The following ENPP1 variants were observed in gnomAD, a reference collection of about 807,000 sequenced individuals.
ENPP1 encodes the protein ectonucleotide pyrophosphatase/phosphodiesterase 1, also known as ectonucleotide pyrophosphatase/phosphodiesterase family member 1.
In ENPP1, 73 loss-of-function variants were observed where a neutral mutation model predicts 122.8. The ratio of observed to expected loss-of-function variants is 0.59; its 90% confidence interval spans 0.49 to 0.72. The LOEUF (loss-of-function observed/expected upper bound fraction) is 0.72, where lower values mean the gene tolerates loss of function less well. Ranked by LOEUF, ENPP1 falls within the 30% of genes least tolerant of loss-of-function variation. ENPP1 has a pLI of 0.00. For missense variants in ENPP1, 978 were observed against 1,128.1 expected, an observed-to-expected ratio of 0.87 and a Z score of 1.91; for synonymous variants, 367 against 391.6, an observed-to-expected ratio of 0.94 and a Z score of 0.74.
intron 1 of ENPP1, among the ~76,000 whole-genome samples, chr6:131,838,764 A>G (rs1781706325): frequency 3.9e-5 from 6 of 152,146 alleles, no homozygotes; most frequent in Admixed American, 3.9e-4. Flanking sequence ...AGTACAAATC[A>G]TATCAAGAAT....
chr6:131,882,741 A>C (rs1413895651), intron 21 of ENPP1, among the ~76,000 whole-genome samples: 1 of 150,550 alleles, frequency 6.6e-6, no homozygotes, highest in Non-Finnish European at 1.5e-5. Context: ...GAAAAATTTT[A>C]ATCATCTAAA....
rs2114731537 is a variant in ENPP1 at position 131,886,607 on chromosome 6, C to T, written c.2490C>T (p.His830=). Reference sequence around the variant, plus strand: ...ACCAAGAAATTTTGATTCCAACTCACTTCTTTATTGTGCTAACAAGCTGTA... The same window carrying T: ...ACCAAGAAATTTTGATTCCAACTCATTTCTTTATTGTGCTAACAAGCTGTA... ...IRNQEILIPT[H]FFIVLTSCKD... Residue 830 remains histidine, a synonymous_variant, in exon 24 of 25, where the codon CAC becomes CAT. Coordinates refer to ENST00000647893, the MANE Select transcript of ENPP1 (RefSeq NM_006208.3). 1.2e-5 allele frequency: 20 copies of T among 1,613,914 alleles called. No homozygotes were observed. Among genetic ancestry groups the T allele is most frequent in the Non-Finnish European group, 1.7e-5 (20 of 1,179,804 alleles).
chr6:131,882,790 A>G (rs1283013518), intron 21 of ENPP1, among the ~76,000 whole-genome samples: 1 of 151,526 alleles, frequency 6.6e-6, no homozygotes, highest in Non-Finnish European at 1.5e-5. Flanking sequence ...TTGGGAGGGT[A>G]GTTGATGTAG....
intron 13 of ENPP1, 88 bp downstream of exon 13, chr6:131,869,577 G>C (rs1242051800): frequency 6.3e-6 from 9 of 1,423,048 alleles, no homozygotes; most frequent in Non-Finnish European, 8.9e-6. Flanking sequence ...GCCTGTAATC[G>C]CAGCACTTTG....
In ENPP1 at chr6:131,886,672, A is replaced by C; in HGVS notation, c.2555A>C (p.Asp852Ala). ...SQTPLHCENL[D>A]TLAFILPHRT... ...ACGCCTTTGCACTGTGAAAACCTAG[A>C]CACCTTAGCTTTCATTTTGCCTCAC... The change falls in exon 24 of 25, where the codon GAC becomes GCC. Residue 852 changes from aspartate (D) to alanine (A), a missense_variant. Asp to Ala is a moderately radical substitution (Grantham distance 126, BLOSUM62 -2). Around this residue, in one of 3 missense-constraint regions of ENPP1, gnomAD observed 644 missense variants for 781.5 expected, o/e 0.82. Coordinates refer to ENST00000647893, the MANE Select transcript of ENPP1 (RefSeq NM_006208.3). 2 of 1,614,062 alleles carry C rather than the reference A, an allele frequency of 1.2e-6. No individual in the cohort carries two copies. Among genetic ancestry groups the C allele is most frequent in the Non-Finnish European group, 1.7e-6 (2 of 1,179,956 alleles).
intron 1 of ENPP1, among the ~76,000 whole-genome samples, chr6:131,830,667 T>A (rs752001316): frequency 6.6e-6 from 1 of 152,234 alleles, no homozygotes; most frequent in Non-Finnish European, 1.5e-5. Flanking sequence ...AATTAAAATA[T>A]GTATATTTTA....
chr6:131,860,415 T>C lies in ENPP1; in HGVS notation c.824T>C (p.Ile275Thr). The change falls in exon 8 of 25, where the codon ATC (isoleucine) becomes ACC (threonine). Residue 275 changes from isoleucine (I) to threonine (T), a missense_variant. Transcript: ENST00000647893. ...TTGTATCCAGAATCTCATGGCATAA[T>C]CGACAATAAAATGTATGATCCCAAA... ...TGLYPESHGI[I>T]DNKMYDPKMN... 1.3e-6 allele frequency: 2 copies of C among 1,598,498 alleles called. No homozygotes were observed. The highest frequency in any genetic ancestry group is 1.7e-6 in the Non-Finnish European group (2 of 1,166,292).
intron 5 of ENPP1, among the ~76,000 whole-genome samples, chr6:131,854,030 GTTTA>G (rs144101500): frequency 0.017 from 2,544 of 152,128 alleles, 87 homozygotes; most frequent in African/African-American, 0.058. Flanking sequence ...TTTCTTTGTT[GTTTA>G]TATATTTAAA....
chr6:131,811,376 A>ATATCTATATC lies in ENPP1; in HGVS notation c.240+3104_240+3105insCTATATCTAT, dbSNP rs1407442478. On this transcript the variant is annotated intron_variant, in intron 1 of 24. Transcript: ENST00000647893. ...AAAACATATATCTATATCTATATCT[A>ATATCTATATC]TATATCTATATCTATATCTATATCT... 1.4e-3 allele frequency among the ~76,000 whole-genome samples: 181 copies of ATATCTATATC among 131,282 alleles called. 3 individuals carry two copies. The Middle Eastern group carries it at 0.022, about 16-fold the overall frequency. The allele number at this position is 131,282 out of a possible 152,430, so 86.1% of individuals were successfully genotyped here.
At chr6:131,826,956 T>G in intron 1 of ENPP1, 1 of 399,388 alleles carries the variant, frequency 2.5e-6, no homozygotes, top group South Asian at 2.5e-5. Flanking sequence ...GGCAGAGGAT[T>G]TTAAAATTCT....
At chr6:131,812,233 A>C (rs73780756) in intron 1 of ENPP1, among the ~76,000 whole-genome samples, 2,794 of 152,336 alleles carry the variant, frequency 0.018, 102 homozygotes, top group African/African-American at 0.063. Context: ...AATTATCAAC[A>C]AAACAACTTG....
At chr6:131,875,751 T>C (rs746976478) in intron 16 of ENPP1, 25 bp from the exon 17 acceptor site, 2 of 1,601,726 alleles carry the variant, frequency 1.2e-6, no homozygotes, top group Non-Finnish European at 1.7e-6. Context: ...AATGCACTGA[T>C]AAACTTCCTT....
chr6:131,845,052 T>G (rs1341045015), intron 1 of ENPP1, among the ~76,000 whole-genome samples: 1 of 129,212 alleles, frequency 7.7e-6, no homozygotes, highest in Non-Finnish European at 1.6e-5. Context: ...GGTTTTTTTT[T>G]TTTTTTTTTT....
At chr6:131,873,291 T>A (rs940560332) in intron 15 of ENPP1, among the ~76,000 whole-genome samples, 1 of 152,182 alleles carries the variant, frequency 6.6e-6, no homozygotes, top group African/African-American at 2.4e-5. Flanking sequence ...CCCCACTAGA[T>A]GAAAGTAGCA....
chr6:131,872,535 A>C (rs1302959032), intron 14 of ENPP1, among the ~76,000 whole-genome samples: 1 of 152,116 alleles, frequency 6.6e-6, no homozygotes, highest in East Asian at 1.9e-4. Context: ...TCTGCAAGAA[A>C]ACTCTTACAA....
intron 6 of ENPP1, among the ~76,000 whole-genome samples, chr6:131,855,771 T>TA (rs1373584504): frequency 3.3e-5 from 5 of 151,834 alleles, no homozygotes; most frequent in Middle Eastern, 3.4e-3. Flanking sequence ...TTTTTTTTTT[T>TA]AAATCCCAAT....
At chr6:131,841,079 A>G (rs993103854) in intron 1 of ENPP1, among the ~76,000 whole-genome samples, 8 of 152,214 alleles carry the variant, frequency 5.3e-5, no homozygotes, top group African/African-American at 9.6e-5. Context: ...CTGAGTGCAT[A>G]AGAGACCAAG....
At chr6:131,815,013 G>C (rs539485820) in intron 1 of ENPP1, among the ~76,000 whole-genome samples, 2 of 152,330 alleles carry the variant, frequency 1.3e-5, no homozygotes, top group East Asian at 3.9e-4. Context: ...GGGACCCATA[G>C]GGTCTGTGAT....
At chr6:131,851,430 A>G in intron 4 of ENPP1, 163 bp downstream of exon 4, 2 of 761,986 alleles carry the variant, frequency 2.6e-6, no homozygotes, top group Non-Finnish European at 4.3e-6. Context: ...TTTTAAACAT[A>G]CACATGGGGA....
Sources: allele counts gnomAD v4.1 joint callset (sites outside exome capture counted in the v4.1 genomes callset), GRCh38; gene constraint gnomAD v4.1.1; regional missense constraint gnomAD v4.1.1; transcripts MANE v1.5; gene names NCBI Gene and HGNC (gene_info 2026-07-23, HGNC 2026-07-21).